TRIM61: variants seen among roughly 807,000 people sequenced by gnomAD.
TRIM61 encodes putative tripartite motif-containing protein 61.
TRIM61 carries 1 observed loss-of-function variant against 14.2 expected under a neutral mutation model. That is an observed-to-expected ratio of 0.07 (90% CI 0.03 to 0.33). The LOEUF is 0.33. TRIM61 is among the 10% of genes least tolerant of loss of function. The pLI is 0.99. For missense variants in TRIM61, 19 were observed against 202.2 expected (o/e 0.09, Z 5.49); for synonymous variants, 8 against 71.6 (o/e 0.11, Z 4.49).
chr4:164,972,215 G>A (rs1211596014), intron 2 of TRIM61, among the ~76,000 whole-genome samples: 1 of 152,176 alleles, frequency 6.6e-6, no homozygotes, highest in Non-Finnish European at 1.5e-5. Context: ...TATTGACTGT[G>A]TATCTTTAGA....
chr4:164,976,979 T>C (rs1280359263), intron 1 of TRIM61, among the ~76,000 whole-genome samples, 154 bp from the exon 2 acceptor site: 1 of 152,174 alleles, frequency 6.6e-6, no homozygotes, highest in East Asian at 1.9e-4. Flanking sequence ...AGCAAGCTTC[T>C]TGGTGGCAAT....
chr4:164,972,581 C>T (rs147327040), intron 2 of TRIM61, among the ~76,000 whole-genome samples: 2,312 of 152,244 alleles, frequency 0.015, 65 homozygotes, highest in African/African-American at 0.052. Context: ...CTCCACCTCC[C>T]GGGTTCAAGT....
intron 2 of TRIM61, among the ~76,000 whole-genome samples, chr4:164,973,819 T>C (rs1732423705): frequency 6.6e-6 from 1 of 152,248 alleles, no homozygotes; most frequent in Admixed American, 6.5e-5. Flanking sequence ...CATATTATAG[T>C]TGATGTATTA....
At chr4:164,965,058 C>T (rs1392842984) in intron 3 of TRIM61, among the ~76,000 whole-genome samples, 3 of 152,110 alleles carry the variant, frequency 2.0e-5, no homozygotes, top group African/African-American at 7.2e-5. Context: ...GAGGCTGAGG[C>T]GGGTGGATCA....
At chr4:164,963,155 G>C (rs2111138533) in intron 3 of TRIM61, among the ~76,000 whole-genome samples, 1 of 152,036 alleles carries the variant, frequency 6.6e-6, no homozygotes, top group East Asian at 2.0e-4. Flanking sequence ...CTGAGGCAGA[G>C]AGTAGGAGTT....
chr4:164,956,972 G>A (rs1732006052), intron 3 of TRIM61: 1 of 1,442,102 alleles, frequency 6.9e-7, no homozygotes, highest in East Asian at 2.5e-5. Flanking sequence ...GTGAGACCGT[G>A]AAGGTGTGGC....
At chr4:164,964,647 ACT>A (rs1732201128) in intron 3 of TRIM61, among the ~76,000 whole-genome samples, 1 of 152,160 alleles carries the variant, frequency 6.6e-6, no homozygotes, top group East Asian at 1.9e-4. Flanking sequence ...TAGGAAGAAG[ACT>A]GATTATGTAG....
intron 3 of TRIM61, among the ~76,000 whole-genome samples, chr4:164,962,217 ACTT>A (rs1732151195): frequency 4.9e-5 from 7 of 144,144 alleles, no homozygotes; most frequent in East Asian, 2.2e-4. Flanking sequence ...CACAATAGTT[ACTT>A]CTTTTTTTTT....
intron 3 of TRIM61, among the ~76,000 whole-genome samples, chr4:164,966,004 C>T (rs1198712992): frequency 6.6e-6 from 1 of 152,134 alleles, no homozygotes; most frequent in Non-Finnish European, 1.5e-5. Context: ...ACAGGTAAAA[C>T]AATGCAAGAG....
chr4:164,956,931 G>T lies in TRIM61; in HGVS notation c.526-1835C>A, dbSNP rs999719691. 1.1e-5 allele frequency: 14 copies of T among 1,274,676 alleles called. No homozygotes were observed. In the African/African-American group the frequency reaches 1.8e-4, roughly 16 times the overall value. 79.0% of individuals were successfully genotyped at this position (1,274,676 alleles called of 1,614,324 possible). A position where few individuals can be genotyped will look rare whatever the true frequency, so the allele number is the denominator to read the frequency against. On this transcript the variant is annotated intron_variant, in intron 3 of 4. Coordinates refer to ENST00000329314, the MANE Select transcript of TRIM61 (RefSeq NM_001012414.3). Reference sequence around the variant, plus strand: ...AGCGGCAGAGCAGTGATTGGGTGCGGCCGGCACCGTCTCTGGGCTTCGACT... The same window carrying T: ...AGCGGCAGAGCAGTGATTGGGTGCGTCCGGCACCGTCTCTGGGCTTCGACT...
intron 3 of TRIM61, among the ~76,000 whole-genome samples, chr4:164,963,660 C>A (rs1732180996): frequency 6.6e-6 from 1 of 151,324 alleles, no homozygotes; most frequent in Non-Finnish European, 1.5e-5. Context: ...GGGAGAATCG[C>A]TTGAACCCAG....
At chr4:164,971,180 A>C (rs1012554153) in intron 2 of TRIM61, among the ~76,000 whole-genome samples, 5 of 152,210 alleles carry the variant, frequency 3.3e-5, no homozygotes, top group African/African-American at 1.2e-4. Flanking sequence ...GTACCAGTTA[A>C]ATTGAGCACA....
At chr4:164,957,304 C>G (rs1157410760) in intron 3 of TRIM61, 1 of 1,614,102 alleles carries the variant, frequency 6.2e-7, no homozygotes, top group Non-Finnish European at 8.5e-7. Flanking sequence ...GCTCATGGTG[C>G]CCAGAGAGGA....
intron 3 of TRIM61, among the ~76,000 whole-genome samples, chr4:164,960,991 T>C (rs1732118029): frequency 6.6e-6 from 1 of 151,642 alleles, no homozygotes; most frequent in Non-Finnish European, 1.5e-5. Context: ...TACCTCAGTA[T>C]ATATTTTCCT....
chr4:164,973,089 T>C (rs1732405542), intron 2 of TRIM61, among the ~76,000 whole-genome samples: 1 of 152,212 alleles, frequency 6.6e-6, no homozygotes, highest in African/African-American at 2.4e-5. Flanking sequence ...GACTAAGTTT[T>C]GGTCCTTCTA....
rs1186309295 is a variant in TRIM61 at position 164,954,668 on chromosome 4, A to G, written c.*117T>C. On this transcript the variant is annotated 3_prime_UTR_variant, in exon 5 of 5. Transcript: ENST00000329314. ...TGGTATAGGAACATATACATACCCT[A>G]CACATGGTTGGCAGCATGGCTATAA... The G allele has an allele frequency of 6.5e-6, 1 of 152,680 alleles. No homozygotes were observed. The allele number at this position is 152,680 out of a possible 1,614,324, so 9.5% of individuals were successfully genotyped here. A position where few individuals can be genotyped will look rare whatever the true frequency, so the allele number is the denominator to read the frequency against.
intron 3 of TRIM61, chr4:164,958,024 C>T (rs981350794): frequency 6.0e-6 from 1 of 167,782 alleles, no homozygotes; most frequent in African/African-American, 2.4e-5. Context: ...AATCTTGTAT[C>T]TCTAAAGATA....
intron 3 of TRIM61, among the ~76,000 whole-genome samples, chr4:164,962,236 T>A (rs1187232498): frequency 6.6e-6 from 1 of 151,024 alleles, no homozygotes; most frequent in East Asian, 1.9e-4. Flanking sequence ...TTTTTTTTTT[T>A]TTTTGAGACA....
At chr4:164,966,664 G>C (rs1367597609) in intron 3 of TRIM61, among the ~76,000 whole-genome samples, 1 of 152,196 alleles carries the variant, frequency 6.6e-6, no homozygotes, top group East Asian at 1.9e-4. Context: ...TGTAATTCCA[G>C]CACTTTGGGA....
Sources: allele counts gnomAD v4.1 joint callset (sites outside exome capture counted in the v4.1 genomes callset), GRCh38; gene constraint gnomAD v4.1.1; transcripts MANE v1.5; gene names NCBI Gene and HGNC (gene_info 2026-07-23, HGNC 2026-07-21).